OSBPL9: variants seen among roughly 807,000 people sequenced by gnomAD.
The protein encoded by OSBPL9 is oxysterol binding protein like 9.
Under a neutral mutation model 106.6 loss-of-function variants are expected in OSBPL9, and 40 were observed. The observed-to-expected ratio is 0.38, with a 90% CI of 0.29 to 0.49. The LOEUF is 0.49. Among genes scored for constraint, OSBPL9 ranks in the 20% least tolerant of loss-of-function variants. The pLI is 0.97. For missense variants in OSBPL9, 609 were observed against 887.2 expected, an observed-to-expected ratio of 0.69 and a Z score of 3.98; for synonymous variants, 269 against 295.4, an observed-to-expected ratio of 0.91 and a Z score of 0.92.
upstream of OSBPL9, among the ~76,000 whole-genome samples, chr1:51,613,132 A>G (rs1336277270): frequency 6.6e-6 from 1 of 152,246 alleles, no homozygotes; most frequent in African/African-American, 2.4e-5. Flanking sequence ...CTGTGTGCCA[A>G]GAACTGGGCT....
At chr1:51,784,394 C>T in intron 19 of OSBPL9, 48 bp from the exon 20 acceptor site, 5 of 1,612,258 alleles carry the variant, frequency 3.1e-6, no homozygotes, top group Non-Finnish European at 4.2e-6. Context: ...CCCCTTCCCC[C>T]TCTTCCTCTT....
rs138520726 is a variant in OSBPL9, at chr1:51,777,600, G to A, written c.1256+682G>A. Among the ~76,000 whole-genome samples, 12 of 152,102 alleles carry A rather than the reference G, an allele frequency of 7.9e-5. No individual in the cohort carries two copies. In the East Asian group the frequency reaches 2.3e-3, roughly 29 times the overall value. ...ATACATATCACTGAAGTTTCTTGCT[G>A]GGTGGATACATTGGCTGACATTGAT... On this transcript the variant is annotated intron_variant, in intron 15 of 23. Transcript: ENST00000428468.
intron 1 of OSBPL9, among the ~76,000 whole-genome samples, chr1:51,650,914 A>G (rs145210585): frequency 6.6e-6 from 1 of 152,360 alleles, no homozygotes; most frequent in Non-Finnish European, 1.5e-5. Flanking sequence ...AGAGACACAG[A>G]AAGGCTAAGT....
chr1:51,532,829 G>T, the OSBPL9 span, among the ~76,000 whole-genome samples: 3 of 152,140 alleles, frequency 2.0e-5, no homozygotes, highest in Admixed American at 1.3e-4. Flanking sequence ...GAATGGTGAA[G>T]AGATATTAGG....
the OSBPL9 span, among the ~76,000 whole-genome samples, chr1:51,523,644 C>T: frequency 2.0e-5 from 3 of 151,966 alleles, no homozygotes; most frequent in East Asian, 1.9e-4. Flanking sequence ...AAATTTTGCC[C>T]TTGAACATGG....
At chr1:51,716,524 T>A (rs1661087627) in intron 4 of OSBPL9, among the ~76,000 whole-genome samples, 1 of 152,214 alleles carries the variant, frequency 6.6e-6, no homozygotes, top group Admixed American at 6.5e-5. Context: ...AATGCCTGGC[T>A]ATAGTAAAAA....
the OSBPL9 span, among the ~76,000 whole-genome samples, chr1:51,557,013 C>T: frequency 2.6e-5 from 4 of 151,498 alleles, no homozygotes; most frequent in African/African-American, 4.9e-5. Flanking sequence ...TGATGGATAC[C>T]CCATTTACCC....
chr1:51,546,610 T>G, the OSBPL9 span, among the ~76,000 whole-genome samples: 5 of 150,452 alleles, frequency 3.3e-5, no homozygotes, highest in Non-Finnish European at 4.4e-5. Flanking sequence ...GACAGGAGAA[T>G]GGCATGAACC....
chr1:51,522,336 C>T, the OSBPL9 span, among the ~76,000 whole-genome samples: 278 of 152,316 alleles, frequency 1.8e-3, 1 homozygote, highest in African/African-American at 6.2e-3. Flanking sequence ...AATTGCCCCA[C>T]GTCCCCTTCC....
At chr1:51,782,692 C>G in intron 17 of OSBPL9, 49 bp downstream of exon 17, 1 of 1,541,368 alleles carries the variant, frequency 6.5e-7, no homozygotes, top group East Asian at 2.3e-5. Context: ...ACTATTCTGT[C>G]TAAAGAGGGT....
At chr1:51,712,275 G>A (rs1315154925) in intron 3 of OSBPL9, among the ~76,000 whole-genome samples, 4 of 152,202 alleles carry the variant, frequency 2.6e-5, no homozygotes, top group African/African-American at 4.8e-5. Context: ...GGCGGCGCGC[G>A]CCTGCAATCG....
intron 8 of OSBPL9, among the ~76,000 whole-genome samples, chr1:51,752,271 T>C (rs762943396): frequency 2.0e-5 from 3 of 146,576 alleles, no homozygotes; most frequent in Non-Finnish European, 4.5e-5. Flanking sequence ...GGATTTTTAC[T>C]TGCTGTTCCC....
intron 9 of OSBPL9, chr1:51,756,679 C>T (rs149046833): frequency 1.3e-5 from 3 of 238,268 alleles, no homozygotes; most frequent in Non-Finnish European, 1.7e-5. Context: ...TGTCTAATTT[C>T]TATTTTTCTC....
intron 4 of OSBPL9, among the ~76,000 whole-genome samples, chr1:51,728,010 G>A (rs144080563): frequency 7.2e-5 from 11 of 152,264 alleles, no homozygotes; most frequent in African/African-American, 2.6e-4. Context: ...TGATGTCAAG[G>A]GGACAGTATA....
intron 2 of OSBPL9, among the ~76,000 whole-genome samples, chr1:51,601,147 A>T (rs1645323929): frequency 6.6e-6 from 1 of 152,236 alleles, no homozygotes; most frequent in Non-Finnish European, 1.5e-5. Flanking sequence ...GTATATTTAC[A>T]TATGCAGGGA....
At chr1:51,784,360 G>A (rs761464726) in intron 19 of OSBPL9, 33 bp downstream of exon 19, 5 of 1,605,722 alleles carry the variant, frequency 3.1e-6, no homozygotes, top group Non-Finnish European at 4.3e-6. Flanking sequence ...ATCAGCAGTA[G>A]ACTCTGCTGT....
intron 2 of OSBPL9, among the ~76,000 whole-genome samples, chr1:51,609,969 G>T (rs1643974901): frequency 6.6e-6 from 1 of 151,888 alleles, no homozygotes; most frequent in African/African-American, 2.4e-5. Flanking sequence ...GGCTGGTCTT[G>T]AACTCCTGAC....
At chr1:51,600,566 C>T (rs1445560070) in intron 2 of OSBPL9, among the ~76,000 whole-genome samples, 1 of 152,048 alleles carries the variant, frequency 6.6e-6, no homozygotes, top group East Asian at 1.9e-4. Context: ...AAAATTAAAA[C>T]ATGTTTTCTT....
chr1:51,779,478 C>T (rs1489757908), intron 15 of OSBPL9, among the ~76,000 whole-genome samples: 1 of 152,166 alleles, frequency 6.6e-6, no homozygotes, highest in African/African-American at 2.4e-5. Flanking sequence ...AACTTCTGGA[C>T]ATTGGCCTAG....
Sources: gnomAD v4.1 joint callset for allele counts (sites outside exome capture counted in the v4.1 genomes callset) on GRCh38, gnomAD v4.1.1 for gene constraint, MANE v1.5 for transcripts, NCBI Gene and HGNC (gene_info 2026-07-23, HGNC 2026-07-21) for gene names.